The following FAM163A variants were observed in gnomAD, a reference collection of about 807,000 sequenced individuals.
The protein encoded by FAM163A is protein FAM163A.
Under a neutral mutation model 12.0 loss-of-function variants are expected in FAM163A, and 7 were observed. That is an observed-to-expected ratio of 0.58 (90% CI 0.33 to 1.10). The LOEUF is 1.10. Ranked by LOEUF, FAM163A falls within the 50% of genes least tolerant of loss-of-function variation. The probability of loss-of-function intolerance (pLI) is 0.03; values close to 1 mark genes in which losing one functional copy is unlikely to be tolerated. For synonymous variants in FAM163A, 101 were observed against 91.0 expected, an observed-to-expected ratio of 1.11 and a Z score of -0.62; for missense variants, 202 against 218.6, an observed-to-expected ratio of 0.92 and a Z score of 0.48.
At chr1:179,790,995 A>T (rs1250725538) in intron 1 of FAM163A, among the ~76,000 whole-genome samples, 2 of 152,138 alleles carry the variant, frequency 1.3e-5, no homozygotes, top group Non-Finnish European at 1.5e-5. Flanking sequence ...TTTGGCCTGC[A>T]TTTCTCCAGC....
At position 179,814,094 on chromosome 1, in the gene FAM163A, C is replaced by T; in HGVS notation, c.409C>T (p.Leu137Phe). ...CTACAAAGAGGGGGGACCCCCATCC[C>T]TCAAATTGGCAGCACCCCAGAGTTA... Reference protein sequence around the residue: ...TYYKEGGPPSLKLAAPQSYPV... With the variant: ...TYYKEGGPPSFKLAAPQSYPV... The change falls in exon 5 of 5, where the codon CTC (leucine) becomes TTC (phenylalanine). Residue 137 changes from leucine to phenylalanine, a missense_variant. Physicochemically the swap from Leu to Phe is conservative, Grantham distance 22. Coordinates refer to ENST00000341785, the MANE Select transcript of FAM163A (RefSeq NM_173509.3). 2 of 1,614,224 alleles carry T rather than the reference C, an allele frequency of 1.2e-6. No individual in the cohort carries two copies. Among genetic ancestry groups the T allele is most frequent in the Non-Finnish European group, 1.7e-6 (2 of 1,180,044 alleles).
intron 1 of FAM163A, among the ~76,000 whole-genome samples, chr1:179,784,567 T>C (rs545943252): frequency 6.6e-6 from 1 of 152,282 alleles, no homozygotes; most frequent in South Asian, 2.1e-4. Context: ...TGGTCCAGCA[T>C]TGCCCTATAT....
intron 1 of FAM163A, among the ~76,000 whole-genome samples, chr1:179,758,211 A>T (rs1686303201): frequency 6.6e-6 from 1 of 152,196 alleles, no homozygotes; most frequent in African/African-American, 2.4e-5. Context: ...AACCAATGAG[A>T]TGTTCAGGAA....
At chr1:179,797,276 G>A (rs1348204944) in intron 1 of FAM163A, among the ~76,000 whole-genome samples, 6 of 152,048 alleles carry the variant, frequency 3.9e-5, no homozygotes, top group South Asian at 4.2e-4. Context: ...GTGAAACCTC[G>A]TCTCTACTAA....
rs144582932 is a variant in FAM163A, at chr1:179,796,034, A to C, written c.-135-11764A>C. Among the ~76,000 whole-genome samples, 460 of 146,296 alleles carry C rather than the reference A, an allele frequency of 3.1e-3. 2 individuals carry two copies. The highest frequency in any genetic ancestry group is 0.012 in the African/African-American group (450 of 38,098). On this transcript the variant is annotated intron_variant, in intron 1 of 4. Transcript: ENST00000341785. Reference sequence around the variant, plus strand: ...TTCCTCTGTTACTTCCTTTCTATTCATCATCTTATTCTGTTGCCCTTGACT... The same window carrying C: ...TTCCTCTGTTACTTCCTTTCTATTCCTCATCTTATTCTGTTGCCCTTGACT...
intron 1 of FAM163A, among the ~76,000 whole-genome samples, chr1:179,799,744 C>T (rs1692893526): frequency 1.3e-5 from 2 of 152,254 alleles, no homozygotes; most frequent in Non-Finnish European, 2.9e-5. Flanking sequence ...GGCCTCAGCA[C>T]TGGCCTCTCT....
intron 1 of FAM163A, among the ~76,000 whole-genome samples, chr1:179,798,949 ACT>A (rs1692773618): frequency 6.6e-6 from 1 of 151,806 alleles, no homozygotes; most frequent in African/African-American, 2.4e-5. Context: ...GAGTGTGAGG[ACT>A]CTGGGCTCCA....
intron 1 of FAM163A, among the ~76,000 whole-genome samples, chr1:179,785,254 C>A (rs1435412058): frequency 6.6e-6 from 1 of 152,128 alleles, no homozygotes; most frequent in Non-Finnish European, 1.5e-5. Flanking sequence ...TCCAGAAAAC[C>A]AATTAAGAAA....
chr1:179,797,523 A>G (rs1288693421), intron 1 of FAM163A, among the ~76,000 whole-genome samples: 1 of 152,118 alleles, frequency 6.6e-6, no homozygotes, highest in Admixed American at 6.6e-5. Context: ...CAGGCTGGGG[A>G]CTACAGTTCC....
Position 179,813,194 on chromosome 1 carries a change from A to G in FAM163A, c.93+4A>G, listed in dbSNP as rs1322818945. 6.4e-7 allele frequency: 1 copy of G among 1,551,276 alleles called. No homozygotes were observed. Among genetic ancestry groups the G allele is most frequent in the Admixed American group, 2.0e-5 (1 of 50,990 alleles). ...CCTGTGCTACTGCAGGCTCCAGGTC[A>G]GTCCCCGGGACCCGTAGCCAGAGGC... On this transcript the variant is annotated splice_donor_region_variant and intron_variant, in intron 4 of 4. Coordinates refer to ENST00000341785, the MANE Select transcript of FAM163A (RefSeq NM_173509.3).
intron 1 of FAM163A, among the ~76,000 whole-genome samples, chr1:179,753,480 A>G (rs1418933802): frequency 1.3e-5 from 2 of 152,220 alleles, no homozygotes; most frequent in Non-Finnish European, 2.9e-5. Context: ...TGGAAAGGGC[A>G]CAGTTTAATG....
At chr1:179,739,950 T>A (rs1332599759), upstream of FAM163A, among the ~76,000 whole-genome samples, 2 of 152,236 alleles carry the variant, frequency 1.3e-5, no homozygotes, top group African/African-American at 4.8e-5. Flanking sequence ...ATCATTCATA[T>A]GTTCCTTGTT....
At chr1:179,728,695 T>C in the FAM163A span, among the ~76,000 whole-genome samples, 1 of 152,178 alleles carries the variant, frequency 6.6e-6, no homozygotes, top group African/African-American at 2.4e-5. Flanking sequence ...AATAGACACA[T>C]TTCCCCAGTT....
At chr1:179,757,059 CA>C (rs1336082784) in intron 1 of FAM163A, among the ~76,000 whole-genome samples, 4 of 152,142 alleles carry the variant, frequency 2.6e-5, no homozygotes, top group Non-Finnish European at 5.9e-5. Context: ...CAGAGAACTG[CA>C]GCAAAAGCTG....
chr1:179,783,129 TAA>T (rs11378381), intron 1 of FAM163A, among the ~76,000 whole-genome samples: 4 of 141,332 alleles, frequency 2.8e-5, no homozygotes, highest in Admixed American at 7.1e-5. Flanking sequence ...AACTCCGTCT[TAA>T]AAAAAAAAAA....
At chr1:179,772,458 T>G (rs1443121919) in intron 1 of FAM163A, among the ~76,000 whole-genome samples, 1 of 152,236 alleles carries the variant, frequency 6.6e-6, no homozygotes, top group Non-Finnish European at 1.5e-5. Context: ...ACCAGCAGCA[T>G]CAGCATCACT....
At chr1:179,762,073 T>A (rs556080906) in intron 1 of FAM163A, among the ~76,000 whole-genome samples, 1 of 152,198 alleles carries the variant, frequency 6.6e-6, no homozygotes, top group Admixed American at 6.5e-5. Context: ...TTGGAAAATG[T>A]CCCATTGATT....
intron 1 of FAM163A, among the ~76,000 whole-genome samples, chr1:179,746,792 C>G (rs533799659): frequency 6.6e-6 from 1 of 152,262 alleles, no homozygotes; most frequent in African/African-American, 2.4e-5. Flanking sequence ...TGAGAGGTTC[C>G]CTTTGGATTA....
chr1:179,730,400 G>T, the FAM163A span: 2 of 152,274 alleles, frequency 1.3e-5, no homozygotes, highest in Middle Eastern at 3.4e-3. Context: ...TTCACATCTG[G>T]CCTCTTTTGT....
Sources: allele counts gnomAD v4.1 joint callset (sites outside exome capture counted in the v4.1 genomes callset), GRCh38; gene constraint gnomAD v4.1.1; transcripts MANE v1.5; gene names NCBI Gene and HGNC (gene_info 2026-07-23, HGNC 2026-07-21).